Variants in NF1 observed in about 807,000 individuals in gnomAD.
NF1 encodes neurofibromin.
A neutral mutation model predicts 325.7 loss-of-function variants in NF1; 122 were observed. The ratio of observed to expected loss-of-function variants is 0.37; its 90% CI spans 0.32 to 0.44. The LOEUF (loss-of-function observed/expected upper bound fraction) is 0.44. NF1 is among the 20% of genes least tolerant of loss of function. The pLI is 1.00. For missense variants in NF1, 2,140 were observed against 3,415.4 expected, an observed-to-expected ratio of 0.63 and a Z score of 9.31; for synonymous variants, 1,091 against 1,186.0, an observed-to-expected ratio of 0.92 and a Z score of 1.65.
Position 31,337,031 on chromosome 17 carries a change from C to T in NF1, c.6427+117C>T, listed in dbSNP as rs559737781. ...TCTAACACCAAGTTGCTAATTTAAGCCTCCAGTAATGACATGAAATATTAC... is the reference window on the plus strand; with the variant it reads ...TCTAACACCAAGTTGCTAATTTAAGTCTCCAGTAATGACATGAAATATTAC... On this transcript the variant is annotated intron_variant, in intron 42 of 57. Transcript: ENST00000358273. 1.1e-4 allele frequency: 120 copies of T among 1,052,600 alleles called. No individual in the cohort carries two copies. The African/African-American group carries it at 1.8e-3, about 16-fold the overall frequency. The allele number at this position is 1,052,600 out of a possible 1,614,324, so 65.2% of individuals were successfully genotyped here. A position where few individuals can be genotyped will look rare whatever the true frequency, so the allele number is the denominator to read the frequency against.
intron 4 of NF1, among the ~76,000 whole-genome samples, chr17:31,165,716 G>A (rs773269815): frequency 6.6e-6 from 1 of 152,122 alleles, no homozygotes; most frequent in Admixed American, 6.5e-5. Context: ...TTGAGACACA[G>A]TCTCTCTCTG....
chr17:31,100,277 A>C (rs1032022111), intron 1 of NF1, among the ~76,000 whole-genome samples: 1 of 152,192 alleles, frequency 6.6e-6, no homozygotes, highest in Non-Finnish European at 1.5e-5. Context: ...ATTGGCAAGT[A>C]TCTTCGAAAT....
At chr17:31,365,650 T>A (rs1309474475) in intron 57 of NF1, among the ~76,000 whole-genome samples, 3 of 152,216 alleles carry the variant, frequency 2.0e-5, no homozygotes. Flanking sequence ...GTTTACTATA[T>A]GCAAGGGGCT....
At chr17:31,272,088 A>G (rs888589963) in intron 36 of NF1, 11 of 152,226 alleles carry the variant, frequency 7.2e-5, no homozygotes, top group Non-Finnish European at 1.5e-4. Flanking sequence ...TTAAGTTAAT[A>G]TTTAAACGTA....
At chr17:31,147,183 C>A (rs1427022478) in intron 1 of NF1, among the ~76,000 whole-genome samples, 1 of 152,176 alleles carries the variant, frequency 6.6e-6, no homozygotes, top group African/African-American at 2.4e-5. Flanking sequence ...GTATCCAGAT[C>A]AAGAAATAAA....
intron 36 of NF1, among the ~76,000 whole-genome samples, chr17:31,322,938 C>CT (rs2069248371): frequency 6.6e-6 from 1 of 152,188 alleles, no homozygotes; most frequent in East Asian, 1.9e-4. Context: ...TCTACAGTGC[C>CT]TTTTCGGTAG....
chr17:31,165,636 G>T (rs983770159), intron 4 of NF1, among the ~76,000 whole-genome samples: 7 of 152,008 alleles, frequency 4.6e-5, no homozygotes, highest in African/African-American at 1.4e-4. Flanking sequence ...ATTAAGATTT[G>T]GTTTTTATAT....
At chr17:31,095,452 T>C in intron 1 of NF1, 83 bp downstream of exon 1, 2 of 1,220,196 alleles carry the variant, frequency 1.6e-6, no homozygotes, top group Non-Finnish European at 2.2e-6. Flanking sequence ...AGCGGCCGCC[T>C]CCCCCGCGGC....
At chr17:31,141,612 G>C (rs1916224196) in intron 1 of NF1, among the ~76,000 whole-genome samples, 1 of 152,118 alleles carries the variant, frequency 6.6e-6, no homozygotes, top group South Asian at 2.1e-4. Context: ...GTTATCTATT[G>C]CTGCAAAACA....
chr17:31,334,822 G>A lies in NF1; in HGVS notation c.5813-16G>A, dbSNP rs1469442907. The A allele has an allele frequency of 6.3e-7, 1 of 1,590,772 alleles. No individual in the cohort carries two copies. The highest frequency in any genetic ancestry group is 8.6e-7 in the Non-Finnish European group (1 of 1,159,010). On this transcript the variant is annotated splice_polypyrimidine_tract_variant and intron_variant, in intron 39 of 57. Transcript: ENST00000358273. The stretch of plus-strand genomic sequence containing the variant: ...TTTCATTGACCATCACATGCTAATA[G>A]TGTATTTTTTTCCAGGTATTGAATT...
chr17:31,290,782 G>C (rs1354977803), intron 36 of NF1, among the ~76,000 whole-genome samples: 1 of 152,184 alleles, frequency 6.6e-6, no homozygotes, highest in Non-Finnish European at 1.5e-5. Context: ...GAGGCAAGCA[G>C]ATCACCTGAG....
In NF1 at chr17:31,223,489, A is replaced by G. The variant is rs2144016279; in HGVS notation, c.1767A>G (p.Gln589=). ...FYICKKLTSH[Q]MLSSTEILKW... Reference sequence around the variant, plus strand: ...TCTGCAAGAAATTAACTAGTCATCAAATGCTTAGTAGCACAGAAATTCTCA... The same window carrying G: ...TCTGCAAGAAATTAACTAGTCATCAGATGCTTAGTAGCACAGAAATTCTCA... Residue 589 remains glutamine (Q), a synonymous_variant, in exon 16 of 58, where the codon CAA becomes CAG. Coordinates refer to ENST00000358273, the MANE Select transcript of NF1 (RefSeq NM_001042492.3). 1 of 1,612,950 alleles carries G rather than the reference A, an allele frequency of 6.2e-7. No homozygotes were observed. The highest frequency in any genetic ancestry group is 8.5e-7 in the Non-Finnish European group (1 of 1,179,146).
rs529777873 is a variant in NF1 at position 31,291,700 on chromosome 17, A to G, written c.4835+26361A>G. On this transcript the variant is annotated intron_variant, in intron 36 of 57. Coordinates refer to ENST00000358273, the MANE Select transcript of NF1 (RefSeq NM_001042492.3). The stretch of plus-strand genomic sequence containing the variant: ...TTTGCTGTTGTTTGATAGCATCATT[A>G]TGGAAGATATTGAATAGCACATATT... 1.2e-3 allele frequency among the ~76,000 whole-genome samples: 189 copies of G among 152,352 alleles called. 2 individuals are homozygous for G. In the South Asian group the frequency reaches 0.036, roughly 29 times the overall value.
At position 31,374,233 on chromosome 17, in the gene NF1, C is replaced by T. The variant is rs2151601915; in HGVS notation, c.*78C>T. ...GACCCCTTCCCTGTCCTTGCCCTTT[C>T]CCCCCATGTTGTAATGCTGCACTTC... On this transcript the variant is annotated 3_prime_UTR_variant, in exon 58 of 58. Transcript: ENST00000358273. 1 of 1,578,794 alleles carries T rather than the reference C, an allele frequency of 6.3e-7. No homozygotes were observed. Among genetic ancestry groups the T allele is most frequent in the East Asian group, 2.2e-5 (1 of 44,568 alleles).
Position 31,294,934 on chromosome 17 carries a change from G to C in NF1, c.4835+29595G>C. On this transcript the variant is annotated intron_variant, in intron 36 of 57. Transcript: ENST00000358273. ...ATACTTAAATATAGCTCGAATCACTGGTTAGATATGGACATATTTTCCCAA... is the reference window on the plus strand; with the variant it reads ...ATACTTAAATATAGCTCGAATCACTCGTTAGATATGGACATATTTTCCCAA... The C allele has an allele frequency of 1.9e-6, 3 of 1,580,758 alleles. No homozygotes were observed. In the South Asian group the frequency reaches 3.3e-5, roughly 18 times the overall value.
At chr17:31,327,255 C>T (rs1477812295) in intron 37 of NF1, among the ~76,000 whole-genome samples, 1 of 152,218 alleles carries the variant, frequency 6.6e-6, no homozygotes, top group East Asian at 1.9e-4. Context: ...AGCCACTGCA[C>T]CCGGCCTTCT....
At chr17:31,148,394 C>CTTTT in intron 1 of NF1, among the ~76,000 whole-genome samples, 1 of 134,422 alleles carries the variant, frequency 7.4e-6, no homozygotes, top group African/African-American at 2.8e-5. Flanking sequence ...GTCATTATGT[C>CTTTT]TTTTTTTTTT....
chr17:31,182,418 C>T (rs1254184889), intron 7 of NF1, 90 bp from the exon 8 acceptor site: 2 of 1,255,404 alleles, frequency 1.6e-6, no homozygotes, highest in Non-Finnish European at 2.3e-6. Context: ...AAAATGTTGC[C>T]CTTGGGTTTT....
intron 39 of NF1, chr17:31,330,842 G>T: frequency 4.7e-6 from 1 of 214,084 alleles, no homozygotes; most frequent in Non-Finnish European, 9.3e-6. Context: ...AAGTATCCAT[G>T]TTGCCTCCTT....
Sources: allele counts gnomAD v4.1 joint callset (sites outside exome capture counted in the v4.1 genomes callset), GRCh38; gene constraint gnomAD v4.1.1; transcripts MANE v1.5; gene names NCBI Gene and HGNC (gene_info 2026-07-23, HGNC 2026-07-21).